The following CDH18 variants were observed in gnomAD, a reference collection of about 807,000 sequenced individuals.
The protein encoded by CDH18 is cadherin 18.
In CDH18, 31 loss-of-function variants were observed where a neutral mutation model predicts 67.9. The observed-to-expected ratio is 0.46, with a 90% CI of 0.34 to 0.62. CDH18 has a LOEUF of 0.62. CDH18 is among the 20% of genes least tolerant of loss of function. The pLI is 0.01. For synonymous variants in CDH18, 362 were observed against 347.2 expected, an observed-to-expected ratio of 1.04 and a Z score of -0.48; for missense variants, 890 against 975.5, an observed-to-expected ratio of 0.91 and a Z score of 1.17.
chr5:19,502,860 A>G (rs1239784680), intron 11 of CDH18, 132 bp downstream of exon 11: 3 of 725,168 alleles, frequency 4.1e-6, no homozygotes, highest in Non-Finnish European at 7.6e-6. Context: ...CACAGATCAT[A>G]ACACAGTAGC....
At chr5:20,278,958 G>GT (rs1409375053) in intron 1 of CDH18, among the ~76,000 whole-genome samples, 1 of 152,064 alleles carries the variant, frequency 6.6e-6, no homozygotes, top group East Asian at 1.9e-4. Context: ...GATATTTCAT[G>GT]TACCTAGATT....
intron 7 of CDH18, among the ~76,000 whole-genome samples, chr5:19,585,126 T>G (rs1368181779): frequency 1.3e-5 from 2 of 152,216 alleles, no homozygotes; most frequent in Admixed American, 6.5e-5. Flanking sequence ...ATGCATTGTG[T>G]GTATATGCAC....
At chr5:19,905,835 G>A (rs1790477760) in intron 2 of CDH18, among the ~76,000 whole-genome samples, 1 of 151,888 alleles carries the variant, frequency 6.6e-6, no homozygotes, top group African/African-American at 2.4e-5. Context: ...TCAAAGGGAA[G>A]ACTGACAAGT....
intron 2 of CDH18, among the ~76,000 whole-genome samples, chr5:19,841,215 T>C (rs1265144457): frequency 6.6e-6 from 1 of 152,178 alleles, no homozygotes; most frequent in Non-Finnish European, 1.5e-5. Context: ...AATATAAAAT[T>C]TATGTTTTCA....
At chr5:19,746,130 T>C (rs1477852171) in intron 4 of CDH18, among the ~76,000 whole-genome samples, 1 of 152,092 alleles carries the variant, frequency 6.6e-6, no homozygotes, top group African/African-American at 2.4e-5. Context: ...ATTTTTAAAC[T>C]ACTTTTTAAA....
intron 7 of CDH18, among the ~76,000 whole-genome samples, chr5:19,590,198 C>A (rs1744862027): frequency 6.6e-6 from 1 of 151,944 alleles, no homozygotes; most frequent in Non-Finnish European, 1.5e-5. Flanking sequence ...CAAATTGTCT[C>A]TTTTCATTAT....
intron 2 of CDH18, among the ~76,000 whole-genome samples, chr5:20,231,443 A>G (rs1742065808): frequency 6.6e-6 from 1 of 152,050 alleles, no homozygotes; most frequent in African/African-American, 2.4e-5. Context: ...TCTACTAAAA[A>G]TACAAAAATT....
intron 11 of CDH18, among the ~76,000 whole-genome samples, chr5:19,489,942 CTATAA>C (rs3838648): frequency 0.28 from 42,434 of 151,614 alleles, 6,076 homozygotes; most frequent in East Asian, 0.4. Flanking sequence ...AAACATACAA[CTATAA>C]TATAATAACT....
chr5:20,480,383 A>G (rs1371007134), intron 1 of CDH18, among the ~76,000 whole-genome samples: 1 of 152,136 alleles, frequency 6.6e-6, no homozygotes, highest in Non-Finnish European at 1.5e-5. Flanking sequence ...AAATAGTTCA[A>G]TAAGGAGGAA....
intron 10 of CDH18, among the ~76,000 whole-genome samples, chr5:19,512,207 A>G (rs536205388): frequency 2.0e-5 from 3 of 152,212 alleles, no homozygotes; most frequent in Admixed American, 6.5e-5. Flanking sequence ...TTGTTGTGCC[A>G]TATTATGAGA....
Position 20,111,546 on chromosome 5 carries a change from C to CTT in CDH18, c.-517-119534_-517-119533dup, listed in dbSNP as rs760458451. On this transcript the variant is annotated intron_variant, in intron 2 of 14. Transcript: ENST00000507958. ...CCCTCCCTTCCTTCCTTCCTTCTTT[C>CTT]TTTTTTTTTTTTTTTTTTTTTTCCA... Among the ~76,000 whole-genome samples the CTT allele has an allele frequency of 7.2e-3, 371 of 51,884 alleles. 6 individuals are homozygous for CTT. Among genetic ancestry groups the CTT allele is most frequent in the African/African-American group, 0.02 (333 of 16,508 alleles). 34.0% of individuals were successfully genotyped at this position (51,884 alleles called of 152,430 possible). A position where few individuals can be genotyped will look rare whatever the true frequency, so the allele number is the denominator to read the frequency against.
At chr5:20,090,194 G>A (rs568883735) in intron 2 of CDH18, among the ~76,000 whole-genome samples, 2 of 152,220 alleles carry the variant, frequency 1.3e-5, no homozygotes, top group African/African-American at 2.4e-5. Flanking sequence ...ATTTTTTAAT[G>A]GCTTTTGTTT....
intron 2 of CDH18, among the ~76,000 whole-genome samples, chr5:20,107,968 C>T (rs896900537): frequency 1.4e-5 from 2 of 140,486 alleles, no homozygotes; most frequent in South Asian, 4.9e-4. Context: ...TGTTTGTGTG[C>T]CTATGTCCCA....
intron 2 of CDH18, among the ~76,000 whole-genome samples, chr5:20,092,973 C>A (rs916488257): frequency 5.1e-4 from 78 of 152,194 alleles, no homozygotes; most frequent in Non-Finnish European, 9.1e-4. Context: ...AATTTGCTTT[C>A]TTGACTACTG....
intron 1 of CDH18, among the ~76,000 whole-genome samples, chr5:20,529,615 A>G (rs533221181): frequency 7.2e-5 from 11 of 152,196 alleles, no homozygotes; most frequent in African/African-American, 2.4e-4. Context: ...AATTCATCAC[A>G]TACACAAAAC....
At chr5:19,697,155 A>G (rs1762637617) in intron 5 of CDH18, among the ~76,000 whole-genome samples, 1 of 152,214 alleles carries the variant, frequency 6.6e-6, no homozygotes, top group Non-Finnish European at 1.5e-5. Flanking sequence ...GAAAATATCT[A>G]GAGAAGTGGA....
At chr5:20,026,759 C>T (rs1738936206) in intron 2 of CDH18, among the ~76,000 whole-genome samples, 1 of 152,042 alleles carries the variant, frequency 6.6e-6, no homozygotes. Context: ...GAGATGGAGA[C>T]CATTCTAGCT....
Position 20,269,508 on chromosome 5 carries a change from G to T in CDH18, c.-579-14003C>A, listed in dbSNP as rs368368071. Among the ~76,000 whole-genome samples, 5 of 151,828 alleles carry T rather than the reference G, an allele frequency of 3.3e-5. No homozygotes were observed. In the South Asian group the frequency reaches 6.2e-4, roughly 19 times the overall value. On this transcript the variant is annotated intron_variant, in intron 1 of 14. Coordinates refer to the CDH18 transcript ENST00000507958. Reference sequence around the variant, plus strand: ...GTGTTTAAATAGATAAAGAAAATACGCTATATATACACAATGGGATACTAT... The same window carrying T: ...GTGTTTAAATAGATAAAGAAAATACTCTATATATACACAATGGGATACTAT...
intron 1 of CDH18, among the ~76,000 whole-genome samples, chr5:20,385,409 T>G (rs1247278311): frequency 2.6e-5 from 4 of 152,074 alleles, no homozygotes; most frequent in African/African-American, 4.8e-5. Context: ...TTCCAAAATA[T>G]CTACATGAAA....
Sources: allele counts gnomAD v4.1 joint callset (sites outside exome capture counted in the v4.1 genomes callset), GRCh38; gene constraint gnomAD v4.1.1; transcripts MANE v1.5; gene names NCBI Gene and HGNC (gene_info 2026-07-23, HGNC 2026-07-21).